Variants in SAP30BP observed in about 807,000 individuals in gnomAD.
The protein encoded by SAP30BP is SAP30-binding protein.
SAP30BP carries 31 observed loss-of-function variants against 46.3 expected under a neutral mutation model. The ratio of observed to expected loss-of-function variants is 0.67; its 90% CI spans 0.50 to 0.90. The LOEUF (loss-of-function observed/expected upper bound fraction) is 0.90, where lower values mean the gene tolerates loss of function less well. Among genes scored for constraint, SAP30BP ranks in the 40% least tolerant of loss-of-function variants. The probability of loss-of-function intolerance (pLI) is 0.00; values close to 1 mark genes in which losing one functional copy is unlikely to be tolerated. For synonymous variants in SAP30BP, 169 were observed against 144.2 expected, an observed-to-expected ratio of 1.17 and a Z score of -1.23; for missense variants, 312 against 391.0, an observed-to-expected ratio of 0.80 and a Z score of 1.70.
rs961561726 is a variant in SAP30BP, at chr17:75,706,177, A to G, written c.745+85A>G. On this transcript the variant is annotated intron_variant, in intron 10 of 10. Coordinates refer to ENST00000584667, the MANE Select transcript of SAP30BP (RefSeq NM_013260.8). This position sits in a 1 kb window ranked among gnomAD's most constrained non-coding sequence, Gnocchi z 4.6. ...TGTTTGGGCGACAGACAGCACGTGG[A>G]TCTGGGCCTGGGCTCAGCCTTGCTA... 4.5e-6 allele frequency: 7 copies of G among 1,564,010 alleles called. No homozygotes were observed. The Admixed American group carries it at 5.7e-5, about 13-fold the overall frequency.
chr17:75,703,128 C>G (rs1384451366), intron 6 of SAP30BP, 183 bp from the exon 7 acceptor site: 1 of 604,662 alleles, frequency 1.7e-6, no homozygotes, highest in Admixed American at 2.8e-5. Context: ...GTGCTCCTCC[C>G]GGCCCCTAGC....
chr17:75,692,099 C>A, intron 3 of SAP30BP: 2 of 422,532 alleles, frequency 4.7e-6, no homozygotes, highest in Non-Finnish European at 6.4e-6. Flanking sequence ...GGTTGCTAAG[C>A]AGCCTGGCCT....
At chr17:75,690,628 C>G (rs918387555) in intron 3 of SAP30BP, 3 of 455,244 alleles carry the variant, frequency 6.6e-6, no homozygotes, top group Non-Finnish European at 1.3e-5. Flanking sequence ...CAAGCGAGCA[C>G]TTTAGGATCC....
intron 3 of SAP30BP, chr17:75,692,951 A>G (rs1215244485): frequency 1.3e-5 from 2 of 152,500 alleles, no homozygotes; most frequent in Admixed American, 1.3e-4. Flanking sequence ...TAAGAAGAGT[A>G]TCTTGGGAGC....
At chr17:75,677,159 G>A (rs1010784732) in intron 3 of SAP30BP, among the ~76,000 whole-genome samples, 3 of 139,954 alleles carry the variant, frequency 2.1e-5, no homozygotes, top group East Asian at 2.1e-4. Context: ...AAGCTGGAGT[G>A]CAGTGGCACA....
At chr17:75,697,949 A>C (rs900070359) in intron 4 of SAP30BP, among the ~76,000 whole-genome samples, 4 of 152,244 alleles carry the variant, frequency 2.6e-5, no homozygotes, top group African/African-American at 4.8e-5. Flanking sequence ...GGGCCTGCAC[A>C]CAGTAGGTGC....
intron 4 of SAP30BP, among the ~76,000 whole-genome samples, chr17:75,693,851 T>C (rs2060275184): frequency 6.6e-6 from 1 of 152,168 alleles, no homozygotes; most frequent in Admixed American, 6.5e-5. Context: ...TGCATGCTGC[T>C]CAGGGAGTCA....
intron 7 of SAP30BP, 166 bp from the exon 8 acceptor site, chr17:75,703,642 C>A: frequency 1.4e-6 from 1 of 698,616 alleles, no homozygotes; most frequent in Non-Finnish European, 2.6e-6. Flanking sequence ...TTCGTGCTCC[C>A]ATGTTCTTCA....
chr17:75,698,252 G>C (rs1202778237), intron 4 of SAP30BP, among the ~76,000 whole-genome samples: 1 of 152,254 alleles, frequency 6.6e-6, no homozygotes, highest in Non-Finnish European at 1.5e-5. Context: ...CTTCCCATCA[G>C]AATCAGGCCT....
At chr17:75,689,349 T>C (rs962115422) in intron 3 of SAP30BP, among the ~76,000 whole-genome samples, 10 of 152,098 alleles carry the variant, frequency 6.6e-5, no homozygotes, top group African/African-American at 2.4e-4. Flanking sequence ...ACTCCTGGCC[T>C]CAAGTGATCT....
intron 3 of SAP30BP, among the ~76,000 whole-genome samples, chr17:75,677,780 T>G (rs1171642137): frequency 7.6e-6 from 1 of 131,852 alleles, no homozygotes; most frequent in Admixed American, 8.0e-5. Context: ...TTTTTTTAAA[T>G]CAAACGGCTA....
At chr17:75,704,589 C>T (rs2060466075) in intron 8 of SAP30BP, 167 bp from the exon 9 acceptor site, 2 of 635,104 alleles carry the variant, frequency 3.1e-6, no homozygotes, top group East Asian at 5.4e-5. Flanking sequence ...AGCTGAAGGC[C>T]CCTGCCCTAT....
intron 3 of SAP30BP, among the ~76,000 whole-genome samples, chr17:75,678,991 G>GTTTT (rs1008252984): frequency 6.7e-5 from 9 of 134,444 alleles, no homozygotes; most frequent in East Asian, 2.1e-4. Flanking sequence ...TTTCAGGCAA[G>GTTTT]TTTTTTTTTT....
intron 4 of SAP30BP, among the ~76,000 whole-genome samples, chr17:75,695,018 C>T (rs138852495): frequency 6.6e-6 from 1 of 152,306 alleles, no homozygotes; most frequent in East Asian, 1.9e-4. Flanking sequence ...AGAACGCACC[C>T]ATCACTCCGA....
intron 3 of SAP30BP, among the ~76,000 whole-genome samples, chr17:75,688,583 G>A (rs2060196051): frequency 6.6e-6 from 1 of 152,042 alleles, no homozygotes; most frequent in African/African-American, 2.4e-5. Context: ...ACTCAAGTTT[G>A]ACACTGGAGC....
intron 9 of SAP30BP, chr17:75,705,498 G>A (rs748126373): frequency 2.3e-5 from 10 of 427,064 alleles, no homozygotes; most frequent in Non-Finnish European, 2.9e-5. Flanking sequence ...GGAGGTGCTG[G>A]CTGCTGGGCC....
rs59943167 is a variant in SAP30BP at position 75,678,463 on chromosome 17, AACAC to A, written c.264+6628_264+6631del. Among the ~76,000 whole-genome samples the A allele has an allele frequency of 5.6e-3, 826 of 147,644 alleles. 11 individuals are homozygous for A. The highest frequency in any genetic ancestry group is 0.018 in the African/African-American group (714 of 40,174). ...CACGTTCAACACAGACACAATTTAA[AACAC>A]ACACACACACACACACACACACACA... On this transcript the variant is annotated intron_variant, in intron 3 of 10. Coordinates refer to ENST00000584667, the MANE Select transcript of SAP30BP (RefSeq NM_013260.8).
At chr17:75,678,280 A>G (rs1323992401) in intron 3 of SAP30BP, among the ~76,000 whole-genome samples, 1 of 152,142 alleles carries the variant, frequency 6.6e-6, no homozygotes, top group Non-Finnish European at 1.5e-5. Flanking sequence ...TCAGATGCTC[A>G]AGGTTCTGAT....
At chr17:75,705,110 G>A in intron 9 of SAP30BP, 1 of 401,730 alleles carries the variant, frequency 2.5e-6, no homozygotes, top group Non-Finnish European at 4.7e-6. Flanking sequence ...GCCCTTTGTA[G>A]CCTGAAGGGA....
Sources: allele counts gnomAD v4.1 joint callset (sites outside exome capture counted in the v4.1 genomes callset), GRCh38; gene constraint gnomAD v4.1.1; non-coding constraint Gnocchi (gnomAD v3.1); transcripts MANE v1.5; gene names NCBI Gene and HGNC (gene_info 2026-07-23, HGNC 2026-07-21).